Variants in CDKL1 observed in about 807,000 individuals in gnomAD.
CDKL1 encodes cyclin-dependent kinase-like 1.
A neutral mutation model predicts 42.0 loss-of-function variants in CDKL1; 41 were observed. The ratio of observed to expected loss-of-function variants is 0.98; its 90% CI spans 0.76 to 1.27. The LOEUF is 1.27. Ranked by LOEUF, CDKL1 falls within the 50% of genes most tolerant of loss-of-function variation. The probability of loss-of-function intolerance (pLI) is 0.00; values close to 1 mark genes in which losing one functional copy is unlikely to be tolerated. For missense variants in CDKL1, 394 were observed against 428.4 expected, an observed-to-expected ratio of 0.92 and a Z score of 0.71; for synonymous variants, 153 against 158.6, an observed-to-expected ratio of 0.96 and a Z score of 0.26.
intron 2 of CDKL1, among the ~76,000 whole-genome samples, chr14:50,385,187 G>C (rs971573450): frequency 1.3e-5 from 2 of 150,214 alleles, no homozygotes; most frequent in Non-Finnish European, 2.9e-5. Flanking sequence ...TAATTATAAA[G>C]GAGAAAATCA....
intron 2 of CDKL1, chr14:50,362,940 A>G (rs1181273917): frequency 4.3e-6 from 2 of 462,908 alleles, no homozygotes; most frequent in Admixed American, 2.4e-5. Context: ...TCTTTGCAAT[A>G]AATCTTGCTG....
intron 2 of CDKL1, among the ~76,000 whole-genome samples, chr14:50,387,351 G>A (rs573931339): frequency 6.6e-6 from 1 of 151,788 alleles, no homozygotes; most frequent in Admixed American, 6.6e-5. Context: ...GTGAAACCCC[G>A]TCTCTACTAA....
In CDKL1 at chr14:50,330,159, G is replaced by T. The variant is rs1164194882; in HGVS notation, c.989C>A (p.Thr330Asn). ...CAAAGCTGGAAGGATGCTGCTGCCAGTTAGCTGGGGTAGGTACTGCAACTA... is the reference window on the plus strand; with the variant it reads ...CAAAGCTGGAAGGATGCTGCTGCCATTTAGCTGGGGTAGGTACTGCAACTA... ...TSKLQYLPQL[T>N]GSSILPALDN... The change falls in exon 10 of 10, where the codon ACT (threonine) becomes AAT (asparagine). Residue 330 changes from threonine (T) to asparagine (N), a missense_variant. By Grantham distance (65) the Thr-to-Asn change is moderately conservative. Coordinates refer to ENST00000395834, the MANE Select transcript of CDKL1 (RefSeq NM_004196.7). 1 of 1,607,040 alleles carries T rather than the reference G, an allele frequency of 6.2e-7. No individual in the cohort carries two copies.
At chr14:50,387,389 A>G (rs1358337957) in intron 2 of CDKL1, among the ~76,000 whole-genome samples, 1 of 150,364 alleles carries the variant, frequency 6.7e-6, no homozygotes, top group Non-Finnish European at 1.5e-5. Flanking sequence ...TAGGCATGGT[A>G]GTGGGCACCT....
intron 6 of CDKL1, among the ~76,000 whole-genome samples, 174 bp from the exon 7 acceptor site, chr14:50,339,203 C>T (rs917610443): frequency 1.3e-5 from 2 of 152,226 alleles, no homozygotes; most frequent in East Asian, 1.9e-4. Flanking sequence ...TTGATCCCTA[C>T]GGTGGACAGC....
intron 2 of CDKL1, among the ~76,000 whole-genome samples, chr14:50,370,225 T>C (rs1032045285): frequency 1.3e-5 from 2 of 152,246 alleles, no homozygotes; most frequent in Admixed American, 1.3e-4. Context: ...CCTGCCACCA[T>C]GCCTGGCTAG....
chr14:50,376,582 T>C (rs1395727291), intron 2 of CDKL1, among the ~76,000 whole-genome samples: 1 of 152,204 alleles, frequency 6.6e-6, no homozygotes, highest in South Asian at 2.1e-4. Context: ...CATGATGTTA[T>C]TGCTGAGTGA....
At chr14:50,344,072 AATCTGGTTTCTATGC>A (rs995888615) in intron 4 of CDKL1, among the ~76,000 whole-genome samples, 3 of 152,230 alleles carry the variant, frequency 2.0e-5, no homozygotes, top group African/African-American at 7.2e-5. Context: ...CTAACTTTGG[AATCTGGTTTCTATGC>A]ACAGTGGGCA....
At chr14:50,336,172 C>G (rs1300066450) in intron 7 of CDKL1, 1 of 1,362,018 alleles carries the variant, frequency 7.3e-7, no homozygotes, top group Admixed American at 1.9e-5. Flanking sequence ...TTCACAGCCC[C>G]AGAAGCAAGC....
At chr14:50,391,621 G>A (rs2035259474) in intron 2 of CDKL1, among the ~76,000 whole-genome samples, 1 of 152,144 alleles carries the variant, frequency 6.6e-6, no homozygotes. Flanking sequence ...GACCTCAAGT[G>A]ATCCGCCCGT....
At chr14:50,367,883 T>C (rs1159618187) in intron 2 of CDKL1, among the ~76,000 whole-genome samples, 1 of 152,220 alleles carries the variant, frequency 6.6e-6, no homozygotes, top group Admixed American at 6.5e-5. Context: ...TACAAAAGTT[T>C]CCACTTTTGC....
chr14:50,370,316 G>A (rs1343583758), intron 2 of CDKL1, among the ~76,000 whole-genome samples: 1 of 152,054 alleles, frequency 6.6e-6, no homozygotes, highest in Non-Finnish European at 1.5e-5. Context: ...TGAGCCACCT[G>A]CCTCAGCTTC....
intron 2 of CDKL1, among the ~76,000 whole-genome samples, chr14:50,376,125 C>G (rs569535934): frequency 4.0e-4 from 61 of 152,152 alleles, no homozygotes; most frequent in African/African-American, 1.4e-3. Flanking sequence ...TAAAGAAATG[C>G]AAATAAAGTA....
intron 2 of CDKL1, among the ~76,000 whole-genome samples, chr14:50,371,364 T>C (rs916052837): frequency 3.9e-5 from 6 of 152,218 alleles, no homozygotes; most frequent in Non-Finnish European, 8.8e-5. Context: ...AAGGGTTTCT[T>C]TTTCTCCACA....
chr14:50,343,013 C>T (rs751241371), intron 4 of CDKL1: 6 of 1,354,122 alleles, frequency 4.4e-6, no homozygotes, highest in South Asian at 2.3e-5. Flanking sequence ...AGACTCAAAT[C>T]ACCTGTGGTT....
At chr14:50,361,799 C>T (rs368748407) in intron 2 of CDKL1, among the ~76,000 whole-genome samples, 40 of 152,378 alleles carry the variant, frequency 2.6e-4, no homozygotes, top group African/African-American at 8.7e-4. Flanking sequence ...GCTGGCAGCC[C>T]TGGCAGTCCT....
intron 3 of CDKL1, among the ~76,000 whole-genome samples, chr14:50,349,355 G>A (rs998435057): frequency 1.3e-5 from 2 of 152,206 alleles, no homozygotes; most frequent in African/African-American, 4.8e-5. Context: ...CCTCTTATTT[G>A]TTCCTGTACC....
chr14:50,391,327 A>G (rs1257656508), intron 2 of CDKL1, among the ~76,000 whole-genome samples: 2 of 152,204 alleles, frequency 1.3e-5, no homozygotes, highest in Non-Finnish European at 2.9e-5. Context: ...CCCTGGTAGA[A>G]GAAGTTCCAC....
chr14:50,340,262 T>C (rs1401660154), intron 6 of CDKL1, among the ~76,000 whole-genome samples: 1 of 152,104 alleles, frequency 6.6e-6, no homozygotes, highest in Non-Finnish European at 1.5e-5. Context: ...GGAGGGTAAG[T>C]AGAAATATAA....
Sources: allele counts gnomAD v4.1 joint callset (sites outside exome capture counted in the v4.1 genomes callset), GRCh38; gene constraint gnomAD v4.1.1; transcripts MANE v1.5; gene names NCBI Gene and HGNC (gene_info 2026-07-23, HGNC 2026-07-21).